Variants in ZNF346 observed in about 807,000 individuals in gnomAD.
ZNF346 encodes the protein zinc finger protein 346.
In ZNF346, 23 loss-of-function variants were observed where a neutral mutation model predicts 33.7. The ratio of observed to expected loss-of-function variants is 0.68; its 90% CI spans 0.49 to 0.97. The LOEUF is 0.97. ZNF346 is among the 50% of genes least tolerant of loss of function. The pLI is 0.00. For synonymous variants in ZNF346, 134 were observed against 142.4 expected, an observed-to-expected ratio of 0.94 and a Z score of 0.42; for missense variants, 340 against 371.1, an observed-to-expected ratio of 0.92 and a Z score of 0.69.
In ZNF346 at chr5:177,044,516, A is replaced by AG. The variant is rs1221620748; in HGVS notation, c.501dup (p.Ser168ValfsTer3). 2 of 1,613,732 alleles carry AG rather than the reference A, an allele frequency of 1.2e-6. No homozygotes were observed. Among genetic ancestry groups the AG allele is most frequent in the Non-Finnish European group, 1.7e-6 (2 of 1,180,002 alleles). ...GCAAAGAACTTAAAGCTGAAGCAGC[A>AG]GTCCACTAAGGTGGAAGGTACTGGT... On this transcript the variant is annotated frameshift_variant, in exon 4 of 7. Transcript: ENST00000358149. LOFTEE classifies it high-confidence loss of function.
At chr5:177,039,952 G>C (rs1310819901) in intron 1 of ZNF346, among the ~76,000 whole-genome samples, 1 of 152,082 alleles carries the variant, frequency 6.6e-6, no homozygotes, top group East Asian at 1.9e-4. Flanking sequence ...AGGCCAAGGT[G>C]GGTGGATCAC....
intron 8 of ZNF346, among the ~76,000 whole-genome samples, chr5:177,078,484 T>G: frequency 6.7e-6 from 1 of 148,326 alleles, no homozygotes; most frequent in African/African-American, 2.5e-5. Flanking sequence ...GGGGGGAGAG[T>G]AGTTAAGGGT....
rs1460301806 is a variant in ZNF346 at position 177,066,865 on chromosome 5, C to T, written c.*2266C>T. 1.3e-5 allele frequency among the ~76,000 whole-genome samples: 2 copies of T among 152,170 alleles called. No individual in the cohort carries two copies. The highest frequency in any genetic ancestry group is 4.8e-5 in the African/African-American group (2 of 41,414). On this transcript the variant is annotated 3_prime_UTR_variant, in exon 7 of 7. Transcript: ENST00000358149. The stretch of plus-strand genomic sequence containing the variant: ...CCTGAGGTCAGAAGTTCGAGACCAG[C>T]CTGGCCAACATGATGGCAAAACCCC...
intron 3 of ZNF346, among the ~76,000 whole-genome samples, chr5:177,044,111 T>G (rs1383935009): frequency 6.6e-6 from 1 of 152,024 alleles, no homozygotes; most frequent in Non-Finnish European, 1.5e-5. Context: ...AATTGGGTCT[T>G]GAAGGCTAAG....
chr5:177,035,675 G>A lies in ZNF346; in HGVS notation c.176-5451G>A, dbSNP rs1304512331. On this transcript the variant is annotated intron_variant, in intron 1 of 6. Transcript: ENST00000358149. ...TTTTTTGAGACAGTTTCACTGTGTC[G>A]CGCAGGCTGGAGTGCAGTGGCATGA... Among the ~76,000 whole-genome samples, 5 of 137,988 alleles carry A rather than the reference G, an allele frequency of 3.6e-5. No homozygotes were observed. In the South Asian group the frequency reaches 8.9e-4, roughly 25 times the overall value. The allele number at this position is 137,988 out of a possible 152,430, so 90.5% of individuals were successfully genotyped here.
chr5:177,046,901 G>A (rs556073789), intron 4 of ZNF346, among the ~76,000 whole-genome samples: 1 of 150,462 alleles, frequency 6.6e-6, no homozygotes, highest in Non-Finnish European at 1.5e-5. Flanking sequence ...AAGATACAAA[G>A]AAGAAAGTAA....
At chr5:177,027,925 G>T (rs1412903050) in intron 1 of ZNF346, among the ~76,000 whole-genome samples, 1 of 151,222 alleles carries the variant, frequency 6.6e-6, no homozygotes, top group Non-Finnish European at 1.5e-5. Context: ...TTATAGGCAA[G>T]CATGCGCCAT....
chr5:177,022,708 G>T lies in ZNF346; in HGVS notation c.-31G>T, dbSNP rs773842409. The T allele has an allele frequency of 7.3e-6, 11 of 1,513,874 alleles. No individual in the cohort carries two copies. The Admixed American group carries it at 2.5e-4, about 34-fold the overall frequency. The allele number at this position is 1,513,874 out of a possible 1,614,324, so 93.8% of individuals were successfully genotyped here. Reference sequence around the variant, plus strand: ...TCTCGCGATACCTAGGCGCCTGAGAGGCTCTCTACCGGTGAGGGTTTGCGG... The same window carrying T: ...TCTCGCGATACCTAGGCGCCTGAGATGCTCTCTACCGGTGAGGGTTTGCGG... On this transcript the variant is annotated 5_prime_UTR_variant, in exon 1 of 7. The change creates a new upstream start codon in the 5' untranslated region. Transcript: ENST00000358149.
intron 4 of ZNF346, among the ~76,000 whole-genome samples, chr5:177,047,472 G>A (rs1780238499): frequency 6.6e-6 from 1 of 151,724 alleles, no homozygotes; most frequent in Admixed American, 6.6e-5. Flanking sequence ...CTGAATAGCT[G>A]GGATTACAGG....
chr5:177,035,829 CAG>C (rs1778422484), intron 1 of ZNF346, among the ~76,000 whole-genome samples: 2 of 151,974 alleles, frequency 1.3e-5, no homozygotes, highest in Non-Finnish European at 2.9e-5. Context: ...TTAGTAGAGA[CAG>C]GGTTTCACTA....
chr5:177,044,286 G>GT, intron 3 of ZNF346, 103 bp from the exon 4 acceptor site: 1 of 1,266,054 alleles, frequency 7.9e-7, no homozygotes, highest in East Asian at 2.5e-5. Flanking sequence ...TAATGTGTGA[G>GT]GGGGGCCATA....
At chr5:177,047,794 C>T (rs1780294358) in intron 4 of ZNF346, among the ~76,000 whole-genome samples, 1 of 152,162 alleles carries the variant, frequency 6.6e-6, no homozygotes, top group African/African-American at 2.4e-5. Flanking sequence ...ACATGAGCCA[C>T]CGTGCCCTGC....
At chr5:177,044,657 C>A in intron 4 of ZNF346, 124 bp downstream of exon 4, 5 of 1,046,074 alleles carry the variant, frequency 4.8e-6, no homozygotes, top group Non-Finnish European at 7.0e-6. Context: ...CTTTTGAGAA[C>A]CCTTAAAAAT....
chr5:177,057,116 G>C (rs1268702831), intron 5 of ZNF346, among the ~76,000 whole-genome samples: 1 of 151,930 alleles, frequency 6.6e-6, no homozygotes, highest in Non-Finnish European at 1.5e-5. Context: ...TTTGAGACCG[G>C]CCTGGCCAAA....
At chr5:177,028,087 C>G in intron 1 of ZNF346, among the ~76,000 whole-genome samples, 1 of 108,702 alleles carries the variant, frequency 9.2e-6, no homozygotes, top group African/African-American at 3.8e-5. Flanking sequence ...CGGGGTCTTG[C>G]CAGGCTGGAG....
chr5:177,042,157 C>G, intron 3 of ZNF346: 1 of 258,164 alleles, frequency 3.9e-6, no homozygotes, highest in Non-Finnish European at 7.3e-6. Context: ...GCTGGTATTA[C>G]ATATTACCGC....
At chr5:177,063,113 T>A (rs897437646) in intron 6 of ZNF346, among the ~76,000 whole-genome samples, 1 of 151,732 alleles carries the variant, frequency 6.6e-6, no homozygotes, top group Non-Finnish European at 1.5e-5. Context: ...TTGGCCAGGC[T>A]GGTCTCAAAC....
intron 1 of ZNF346, among the ~76,000 whole-genome samples, chr5:177,034,215 T>C (rs1273080874): frequency 6.6e-6 from 1 of 151,244 alleles, no homozygotes; most frequent in East Asian, 1.9e-4. Flanking sequence ...TTTTTTTTTT[T>C]TTAATTTTGA....
Position 177,041,841 on chromosome 5 carries a change from G to C in ZNF346, c.343G>C (p.Gly115Arg). The C allele has an allele frequency of 6.2e-7, 1 of 1,613,456 alleles. No homozygotes were observed. The highest frequency in any genetic ancestry group is 8.5e-7 in the Non-Finnish European group (1 of 1,179,494). Residue 115 changes from glycine (G) to arginine (R), a missense_variant, in exon 3 of 7, where the codon GGG (glycine) becomes CGG (arginine). Transcript: ENST00000358149. ...LAIHGMETLK[G>R]ETKKLDSDQK... ...AATCCATGGAATGGAGACATTAAAGGGGGAAACGAAGAAGCTAGACTCAGA... is the reference window on the plus strand; with the variant it reads ...AATCCATGGAATGGAGACATTAAAGCGGGAAACGAAGAAGCTAGACTCAGA...
Sources: allele counts gnomAD v4.1 joint callset (sites outside exome capture counted in the v4.1 genomes callset), GRCh38; gene constraint gnomAD v4.1.1; transcripts MANE v1.5; gene names NCBI Gene and HGNC (gene_info 2026-07-23, HGNC 2026-07-21).